Variants in PKIB observed in about 807,000 individuals in gnomAD.
PKIB encodes the protein PKI-beta.
In PKIB, 2 loss-of-function variants were observed where a neutral mutation model predicts 4.5. The observed-to-expected ratio is 0.44, with a 90% CI of 0.18 to 1.39. The LOEUF is 1.39. Among genes scored for constraint, PKIB ranks in the 40% most tolerant of loss-of-function variants. The pLI is 0.27. For missense variants in PKIB, 94 were observed against 92.6 expected (o/e 1.02, Z -0.06); for synonymous variants, 38 against 36.0 (o/e 1.06, Z -0.20).
chr6:122,627,205 C>T (rs1775486929), intron 1 of PKIB, among the ~76,000 whole-genome samples: 1 of 151,250 alleles, frequency 6.6e-6, no homozygotes, highest in Admixed American at 6.6e-5. Context: ...ATTGTGCCTA[C>T]TGCACTCCAG....
chr6:122,574,615 C>G (rs185634478), intron 2 of PKIB, among the ~76,000 whole-genome samples: 1 of 152,090 alleles, frequency 6.6e-6, no homozygotes, highest in Non-Finnish European at 1.5e-5. Context: ...CAAATACTTA[C>G]AGCTAACTAA....
chr6:122,695,274 G>T (rs1392631394), intron 3 of PKIB, among the ~76,000 whole-genome samples: 4 of 151,998 alleles, frequency 2.6e-5, no homozygotes, highest in Non-Finnish European at 5.9e-5. Flanking sequence ...ATATTAGATA[G>T]GATTATACCA....
intron 2 of PKIB, among the ~76,000 whole-genome samples, chr6:122,536,097 GC>G (rs1456727532): frequency 6.6e-6 from 1 of 152,022 alleles, no homozygotes; most frequent in African/African-American, 2.4e-5. Context: ...GTGCCACCAT[GC>G]CCAGCTAATT....
At chr6:122,540,878 A>G (rs1461991213) in intron 2 of PKIB, among the ~76,000 whole-genome samples, 1 of 150,784 alleles carries the variant, frequency 6.6e-6, no homozygotes, top group East Asian at 1.9e-4. Flanking sequence ...TATTGGGTGC[A>G]TATATATTTA....
At chr6:122,636,836 G>A (rs952910792) in intron 2 of PKIB, among the ~76,000 whole-genome samples, 13 of 152,202 alleles carry the variant, frequency 8.5e-5, no homozygotes, top group African/African-American at 3.1e-4. Flanking sequence ...TATTAAAATT[G>A]TGTGGTACTA....
intron 2 of PKIB, among the ~76,000 whole-genome samples, chr6:122,659,138 A>G (rs1245041125): frequency 6.6e-6 from 1 of 152,178 alleles, no homozygotes; most frequent in Non-Finnish European, 1.5e-5. Context: ...ACTTTAAAAT[A>G]ATTTGTTTCC....
intron 3 of PKIB, among the ~76,000 whole-genome samples, chr6:122,709,763 A>T (rs2115050380): frequency 6.6e-6 from 1 of 152,302 alleles, no homozygotes; most frequent in African/African-American, 2.4e-5. Context: ...TATATTAATT[A>T]TAAATGCTTT....
At chr6:122,653,419 G>A (rs957288195) in intron 2 of PKIB, among the ~76,000 whole-genome samples, 3 of 151,996 alleles carry the variant, frequency 2.0e-5, no homozygotes, top group Admixed American at 6.6e-5. Flanking sequence ...GTGTTCTGGC[G>A]ACCAAGAGGA....
intron 3 of PKIB, among the ~76,000 whole-genome samples, chr6:122,703,939 TATAGAGAG>T (rs903218820): frequency 4.8e-5 from 5 of 103,198 alleles, no homozygotes; most frequent in African/African-American, 9.4e-5. Flanking sequence ...TATATATATA[TATAGAGAG>T]AGAGAGAGAG....
At chr6:122,603,649 T>C (rs1215304275) in intron 3 of PKIB, among the ~76,000 whole-genome samples, 1 of 152,050 alleles carries the variant, frequency 6.6e-6, no homozygotes, top group Non-Finnish European at 1.5e-5. Context: ...CCCGGCTAAT[T>C]TATGGATTTT....
At chr6:122,506,694 ATTTTTT>A (rs35341464) in intron 2 of PKIB, among the ~76,000 whole-genome samples, 2 of 116,570 alleles carry the variant, frequency 1.7e-5, no homozygotes, top group South Asian at 6.2e-4. Flanking sequence ...TGGAGATGTA[ATTTTTT>A]TTTTTTTTTT....
intron 3 of PKIB, among the ~76,000 whole-genome samples, chr6:122,588,355 T>G (rs1773916151): frequency 6.6e-6 from 1 of 152,152 alleles, no homozygotes; most frequent in African/African-American, 2.4e-5. Context: ...TCTGTTCTGT[T>G]CCATTGGTCT....
chr6:122,634,775 T>TA (rs756048967), intron 2 of PKIB, among the ~76,000 whole-genome samples: 3 of 151,828 alleles, frequency 2.0e-5, no homozygotes, highest in Non-Finnish European at 4.4e-5. Flanking sequence ...TGTCTAAAAA[T>TA]AAAAAAATAC....
At chr6:122,553,528 C>T (rs1369045746) in intron 2 of PKIB, among the ~76,000 whole-genome samples, 6 of 117,416 alleles carry the variant, frequency 5.1e-5, no homozygotes, top group East Asian at 5.5e-4. Flanking sequence ...CCTGACTCTT[C>T]GCTCTCATGA....
intron 2 of PKIB, among the ~76,000 whole-genome samples, chr6:122,509,050 A>G (rs1776508299): frequency 6.6e-6 from 1 of 152,118 alleles, no homozygotes; most frequent in Non-Finnish European, 1.5e-5. Context: ...CGCCCGGCCT[A>G]AAATTTTTTA....
Position 122,725,116 on chromosome 6 carries a change from T to A in PKIB, c.170-12T>A. On this transcript the variant is annotated splice_polypyrimidine_tract_variant and intron_variant, in intron 4 of 4. Transcript: ENST00000368452. ...AATATATTCCACATATGAATGGAAA[T>A]TTTTTTTTCAGATGCAAAAGAGAAA... 1 of 1,566,762 alleles carries A rather than the reference T, an allele frequency of 6.4e-7. No individual in the cohort carries two copies. The highest frequency in any genetic ancestry group is 8.7e-7 in the Non-Finnish European group (1 of 1,146,688).
rs74553134 is a variant in PKIB, at chr6:122,619,203, G to A, written c.-161+8668G>A. ...TGATTTAGGGTGCACTGCTTTGTAG[G>A]ATACTTAATTTTTTAAGGATGTCAA... On this transcript the variant is annotated intron_variant, in intron 1 of 4. Transcript: ENST00000368452. Among the ~76,000 whole-genome samples the A allele has an allele frequency of 3.1e-3, 475 of 152,082 alleles. 8 individuals carry two copies. The East Asian group carries it at 0.054, about 17-fold the overall frequency.
At chr6:122,489,311 A>C (rs749176122) in intron 2 of PKIB, among the ~76,000 whole-genome samples, 9 of 152,138 alleles carry the variant, frequency 5.9e-5, no homozygotes, top group South Asian at 2.1e-4. Flanking sequence ...GCAGTGGTAC[A>C]GTCTCAGCTC....
chr6:122,598,653 G>A (rs1391826270), intron 3 of PKIB, among the ~76,000 whole-genome samples: 4 of 152,144 alleles, frequency 2.6e-5, no homozygotes, highest in Non-Finnish European at 4.4e-5. Context: ...TAGGTCTAAA[G>A]TGACTAATCC....
Sources: allele counts gnomAD v4.1 joint callset (sites outside exome capture counted in the v4.1 genomes callset), GRCh38; gene constraint gnomAD v4.1.1; transcripts MANE v1.5; gene names NCBI Gene and HGNC (gene_info 2026-07-23, HGNC 2026-07-21).